Variants in TEX9 observed in about 807,000 individuals in gnomAD.
TEX9 encodes testis-expressed protein 9.
TEX9 carries 74 observed loss-of-function variants against 59.6 expected under a neutral mutation model. That is an observed-to-expected ratio of 1.24 (90% confidence interval 1.03 to 1.51). The LOEUF (loss-of-function observed/expected upper bound fraction) is 1.51. Ranked by LOEUF, TEX9 falls within the 40% of genes most tolerant of loss-of-function variation. The probability of loss-of-function intolerance (pLI) is 0.00; values close to 1 mark genes in which losing one functional copy is unlikely to be tolerated. For synonymous variants in TEX9, 186 were observed against 152.2 expected (o/e 1.22, Z -1.64); for missense variants, 522 against 447.8 (o/e 1.17, Z -1.49).
intron 1 of TEX9, among the ~76,000 whole-genome samples, chr15:56,338,899 C>G (rs375827771): frequency 6.6e-6 from 1 of 151,932 alleles, no homozygotes; most frequent in African/African-American, 2.4e-5. Flanking sequence ...GCCTGGGCAA[C>G]GAGAGTGAAA....
chr15:56,403,282 C>G (rs548914116), intron 9 of TEX9, among the ~76,000 whole-genome samples: 16 of 152,186 alleles, frequency 1.1e-4, no homozygotes, highest in African/African-American at 3.1e-4. Context: ...GGAACTTCAG[C>G]GAAGTCTCAG....
chr15:56,400,031 AC>A, intron 9 of TEX9, among the ~76,000 whole-genome samples: 1 of 152,212 alleles, frequency 6.6e-6, no homozygotes, highest in Non-Finnish European at 1.5e-5. Context: ...ATGGGGAGAA[AC>A]CAGAGCAGAA....
chr15:56,451,915 A>G, the TEX9 span, among the ~76,000 whole-genome samples: 9 of 152,204 alleles, frequency 5.9e-5, no homozygotes, highest in Admixed American at 5.9e-4. Context: ...TAATTCCACT[A>G]TGGACAGAGA....
intron 1 of TEX9, among the ~76,000 whole-genome samples, chr15:56,333,741 G>A (rs1167826967): frequency 6.6e-6 from 1 of 152,120 alleles, no homozygotes; most frequent in African/African-American, 2.4e-5. Flanking sequence ...AATTATCCTT[G>A]TTTGCAGATG....
At chr15:56,308,396 A>G (rs2045530616) in intron 1 of TEX9, among the ~76,000 whole-genome samples, 1 of 152,086 alleles carries the variant, frequency 6.6e-6, no homozygotes, top group South Asian at 2.1e-4. Context: ...TCCTTTGCCC[A>G]TTCTTTGATT....
intron 1 of TEX9, among the ~76,000 whole-genome samples, chr15:56,296,568 T>G (rs1334066162): frequency 6.6e-6 from 1 of 152,236 alleles, no homozygotes; most frequent in Non-Finnish European, 1.5e-5. Flanking sequence ...ATCTCAAAGT[T>G]ATATAAAAAG....
chr15:56,274,176 C>G (rs879451957), intron 1 of TEX9, among the ~76,000 whole-genome samples: 32 of 151,936 alleles, frequency 2.1e-4, no homozygotes, highest in Admixed American at 5.3e-4. Flanking sequence ...TTTTATTTAC[C>G]CACCTTTTTT....
chr15:56,307,593 C>T (rs1242720143), intron 1 of TEX9, among the ~76,000 whole-genome samples: 3 of 152,194 alleles, frequency 2.0e-5, no homozygotes, highest in East Asian at 1.9e-4. Flanking sequence ...ACATAAATTA[C>T]GTATCATAAA....
At chr15:56,333,246 C>T (rs1206257319) in intron 1 of TEX9, among the ~76,000 whole-genome samples, 7 of 152,078 alleles carry the variant, frequency 4.6e-5, no homozygotes, top group Non-Finnish European at 1.0e-4. Context: ...CTCTGATGAA[C>T]ATTGATGCAA....
the TEX9 span, among the ~76,000 whole-genome samples, chr15:56,460,003 A>ATATATATATATATAT: frequency 3.7e-4 from 12 of 32,852 alleles, 1 homozygote; most frequent in African/African-American, 1.4e-3. Context: ...AAAAAAAAAA[A>ATATATATATATATAT]AAAAAAATAC....
chr15:56,260,935 CTTTTAA>C (rs1231502531), intron 1 of TEX9, among the ~76,000 whole-genome samples: 8 of 151,592 alleles, frequency 5.3e-5, no homozygotes, highest in African/African-American at 1.9e-4. Flanking sequence ...ATTTTTATTT[CTTTTAA>C]TTTTTCTTTT....
intron 10 of TEX9, among the ~76,000 whole-genome samples, chr15:56,426,017 TCTC>T (rs1379920149): frequency 6.6e-6 from 1 of 152,166 alleles, no homozygotes; most frequent in Admixed American, 6.6e-5. Flanking sequence ...CACTACTTCT[TCTC>T]AGAGATTTAG....
chr15:56,267,339 C>G (rs1331660594), intron 1 of TEX9, among the ~76,000 whole-genome samples: 1 of 152,088 alleles, frequency 6.6e-6, no homozygotes, highest in East Asian at 1.9e-4. Context: ...TAATTAGATC[C>G]CATTTGTCTA....
chr15:56,266,638 G>T (rs534648231), intron 1 of TEX9, among the ~76,000 whole-genome samples: 1 of 151,980 alleles, frequency 6.6e-6, no homozygotes, highest in African/African-American at 2.4e-5. Flanking sequence ...CATCCATGTC[G>T]CTACAAAGGA....
intron 10 of TEX9, among the ~76,000 whole-genome samples, chr15:56,423,454 T>C (rs1272125994): frequency 2.0e-5 from 3 of 152,192 alleles, no homozygotes; most frequent in Non-Finnish European, 4.4e-5. Flanking sequence ...GTATGACTTA[T>C]AAAATGTGGG....
intron 1 of TEX9, among the ~76,000 whole-genome samples, chr15:56,300,705 GAGGGA>G (rs2045330743): frequency 9.1e-6 from 1 of 109,308 alleles, no homozygotes; most frequent in Non-Finnish European, 1.9e-5. Context: ...GAGAGAGAGA[GAGGGA>G]GAGAGAGAGA....
intron 12 of TEX9, chr15:56,434,045 A>G (rs2050671672): frequency 5.2e-6 from 7 of 1,348,614 alleles, no homozygotes; most frequent in Non-Finnish European, 7.1e-6. Context: ...ATTGTCTGGC[A>G]TATAAAGCTT....
intron 1 of TEX9, among the ~76,000 whole-genome samples, chr15:56,338,643 G>A (rs558146677): frequency 1.6e-4 from 24 of 152,336 alleles, no homozygotes; most frequent in African/African-American, 3.1e-4. Flanking sequence ...TTGGCTGGGC[G>A]CGGTAGCTCA....
At chr15:56,371,958 T>A (rs2047209867) in intron 2 of TEX9, among the ~76,000 whole-genome samples, 1 of 152,224 alleles carries the variant, frequency 6.6e-6, no homozygotes, top group South Asian at 2.1e-4. Context: ...GCTTTTAAGC[T>A]ATTTTGGCTT....
Sources: allele counts gnomAD v4.1 joint callset (sites outside exome capture counted in the v4.1 genomes callset), GRCh38; gene constraint gnomAD v4.1.1; transcripts MANE v1.5; gene names NCBI Gene and HGNC (gene_info 2026-07-23, HGNC 2026-07-21).